Variants in PRKCB observed in about 807,000 individuals in gnomAD.
The protein encoded by PRKCB is protein kinase C beta type.
Under a neutral mutation model 81.5 loss-of-function variants are expected in PRKCB, and 13 were observed. The ratio of observed to expected loss-of-function variants is 0.16; its 90% CI spans 0.10 to 0.25. The LOEUF is 0.25. Ranked by LOEUF, PRKCB falls within the 10% of genes least tolerant of loss-of-function variation. The pLI, the probability that PRKCB is intolerant of heterozygous loss-of-function variation, is 1.00. For synonymous variants in PRKCB, 335 were observed against 321.4 expected (o/e 1.04, Z -0.45); for missense variants, 509 against 875.7 (o/e 0.58, Z 5.29).
intron 8 of PRKCB, among the ~76,000 whole-genome samples, chr16:24,114,623 G>A (rs1178782265): frequency 2.6e-5 from 4 of 152,100 alleles, no homozygotes; most frequent in Non-Finnish European, 5.9e-5. Context: ...AATGTTTGGG[G>A]GAAGATAGGT....
intron 5 of PRKCB, among the ~76,000 whole-genome samples, chr16:24,037,574 T>A (rs1000891374): frequency 6.6e-6 from 1 of 152,112 alleles, no homozygotes; most frequent in Non-Finnish European, 1.5e-5. Context: ...TTTAGTTTAG[T>A]TTCGTTTCGT....
chr16:24,198,815 G>A (rs926677545), intron 16 of PRKCB, among the ~76,000 whole-genome samples: 1 of 152,202 alleles, frequency 6.6e-6, no homozygotes, highest in African/African-American at 2.4e-5. Context: ...TCTCTGGGCA[G>A]GGCTTGAGGA....
chr16:24,154,147 C>T (rs1023454848), intron 9 of PRKCB, among the ~76,000 whole-genome samples: 1 of 152,160 alleles, frequency 6.6e-6, no homozygotes, highest in African/African-American at 2.4e-5. Flanking sequence ...ATACAATCAT[C>T]TCCCCTGGAA....
chr16:24,147,157 A>C (rs1023837124), intron 9 of PRKCB, among the ~76,000 whole-genome samples: 1 of 151,838 alleles, frequency 6.6e-6, no homozygotes, highest in Admixed American at 6.6e-5. Context: ...AAATACAAAA[A>C]ATTAGCCGGG....
At chr16:23,842,542 C>A (rs1962285217) in intron 2 of PRKCB, among the ~76,000 whole-genome samples, 1 of 152,082 alleles carries the variant, frequency 6.6e-6, no homozygotes, top group African/African-American at 2.4e-5. Flanking sequence ...AGTGTCTGGG[C>A]CCAGAAACCC....
chr16:24,145,407 A>G lies in PRKCB; in HGVS notation c.1066-9277A>G, dbSNP rs533788214. On this transcript the variant is annotated intron_variant, in intron 9 of 16. Coordinates refer to ENST00000643927, the MANE Select transcript of PRKCB (RefSeq NM_002738.7). ...AGCTGGGGCAACAGAGTGAGACCTA[A>G]TGTCTACCAAAAAAGAGAGAAAAAG... Among the ~76,000 whole-genome samples the G allele has an allele frequency of 2.6e-5, 4 of 152,288 alleles. No individual in the cohort carries two copies. In the South Asian group the frequency reaches 8.3e-4, roughly 32 times the overall value.
chr16:23,909,041 C>T (rs1441821589), intron 2 of PRKCB, among the ~76,000 whole-genome samples: 2 of 152,192 alleles, frequency 1.3e-5, no homozygotes, highest in Non-Finnish European at 2.9e-5. Context: ...GTTTTGTTTA[C>T]AGAGCTAGGC....
intron 16 of PRKCB, among the ~76,000 whole-genome samples, chr16:24,214,326 C>T (rs770211842): frequency 3.9e-5 from 6 of 152,188 alleles, no homozygotes; most frequent in South Asian, 2.1e-4. Flanking sequence ...GCTGACTTCT[C>T]GGGGTGGGTT....
chr16:24,175,540 A>G (rs1028296459), intron 12 of PRKCB, among the ~76,000 whole-genome samples: 1 of 151,742 alleles, frequency 6.6e-6, no homozygotes, highest in Non-Finnish European at 1.5e-5. Context: ...TAAATCAAGC[A>G]GGGGAGGGTG....
intron 5 of PRKCB, 55 bp downstream of exon 5, chr16:24,035,602 A>C: frequency 8.8e-7 from 1 of 1,141,494 alleles, no homozygotes; most frequent in Non-Finnish European, 1.2e-6. Flanking sequence ...TGTGTGATTG[A>C]GAAGGGGAGG....
chr16:23,859,865 T>G (rs1359788024), intron 2 of PRKCB, among the ~76,000 whole-genome samples: 1 of 138,072 alleles, frequency 7.2e-6, no homozygotes, highest in African/African-American at 2.7e-5. Flanking sequence ...GTTGACAGCA[T>G]TAGGAGAGAG....
intron 2 of PRKCB, among the ~76,000 whole-genome samples, chr16:23,910,746 C>T (rs1225434202): frequency 6.6e-6 from 1 of 151,964 alleles, no homozygotes; most frequent in Non-Finnish European, 1.5e-5. Flanking sequence ...ATGTTGTAAG[C>T]CATCACCACT....
At chr16:24,082,590 G>A (rs76596466) in intron 5 of PRKCB, among the ~76,000 whole-genome samples, 1,626 of 152,212 alleles carry the variant, frequency 0.011, 24 homozygotes, top group African/African-American at 0.036. Flanking sequence ...ACAAAAGTGC[G>A]AAAACAATGA....
At chr16:23,868,003 G>C (rs1962836286) in intron 2 of PRKCB, among the ~76,000 whole-genome samples, 1 of 152,028 alleles carries the variant, frequency 6.6e-6, no homozygotes, top group Non-Finnish European at 1.5e-5. Flanking sequence ...GGGGAGATCT[G>C]GCTCCAAAGA....
intron 3 of PRKCB, among the ~76,000 whole-genome samples, chr16:24,019,608 A>G (rs909392636): frequency 6.6e-6 from 1 of 152,100 alleles, no homozygotes; most frequent in Non-Finnish European, 1.5e-5. Context: ...TGCAAAAAAT[A>G]TAAAAAGTAG....
intron 2 of PRKCB, among the ~76,000 whole-genome samples, chr16:23,898,344 G>A (rs1231152190): frequency 6.6e-6 from 1 of 152,100 alleles, no homozygotes; most frequent in Non-Finnish European, 1.5e-5. Flanking sequence ...TGGGATTATA[G>A]GCGTGAGCCA....
intron 9 of PRKCB, among the ~76,000 whole-genome samples, chr16:24,130,867 G>A (rs1235713802): frequency 3.3e-5 from 5 of 152,172 alleles, no homozygotes; most frequent in African/African-American, 9.7e-5. Context: ...AAAGGAGGCC[G>A]GGAGAACAAT....
intron 16 of PRKCB, among the ~76,000 whole-genome samples, chr16:24,200,379 C>A (rs1489358983): frequency 1.3e-5 from 2 of 152,176 alleles, no homozygotes; most frequent in Non-Finnish European, 1.5e-5. Context: ...CTCCACCTAT[C>A]TACACACCCA....
At chr16:24,105,489 C>G in intron 7 of PRKCB, among the ~76,000 whole-genome samples, 1 of 152,062 alleles carries the variant, frequency 6.6e-6, no homozygotes, top group East Asian at 1.9e-4. Flanking sequence ...AGATTTCAAG[C>G]CCCGCATGCA....
Sources: gnomAD v4.1 joint callset for allele counts (sites outside exome capture counted in the v4.1 genomes callset) on GRCh38, gnomAD v4.1.1 for gene constraint, MANE v1.5 for transcripts, NCBI Gene and HGNC (gene_info 2026-07-23, HGNC 2026-07-21) for gene names.